The following TENM3 variants were observed in gnomAD, a reference collection of about 807,000 sequenced individuals.
TENM3 encodes teneurin transmembrane protein 3.
A neutral mutation model predicts 255.1 loss-of-function variants in TENM3; 63 were observed. That is an observed-to-expected ratio of 0.25 (90% CI 0.20 to 0.30). The LOEUF is 0.30. Among genes scored for constraint, TENM3 ranks in the 10% least tolerant of loss-of-function variants. The pLI, the probability that TENM3 is intolerant of heterozygous loss-of-function variation, is 1.00. For synonymous variants in TENM3, 1,306 were observed against 1,322.3 expected (o/e 0.99, Z 0.27); for missense variants, 2,929 against 3,461.1 (o/e 0.85, Z 3.86).
intron 1 of TENM3, among the ~76,000 whole-genome samples, chr4:182,274,789 C>T (rs1051051306): frequency 1.3e-5 from 2 of 151,920 alleles, no homozygotes; most frequent in Non-Finnish European, 2.9e-5. Context: ...GAGTTTAAGT[C>T]CAGTGGTCTC....
intron 3 of TENM3, among the ~76,000 whole-genome samples, chr4:182,420,150 A>C (rs1770716586): frequency 6.6e-6 from 1 of 152,034 alleles, no homozygotes; most frequent in African/African-American, 2.4e-5. Context: ...TGATTGTTAT[A>C]ATTGTGCCCT....
chr4:181,491,106 C>A, the TENM3 span, among the ~76,000 whole-genome samples: 1 of 151,660 alleles, frequency 6.6e-6, no homozygotes. Context: ...TAAAAAAAAT[C>A]TATGGTCTAC....
intron 12 of TENM3, among the ~76,000 whole-genome samples, chr4:182,704,712 A>G (rs1561134256): frequency 6.6e-6 from 1 of 152,156 alleles, no homozygotes. Flanking sequence ...AGAATAAAAT[A>G]TGTAAACTTT....
At chr4:182,597,875 T>C (rs577603525) in intron 3 of TENM3, among the ~76,000 whole-genome samples, 1 of 152,296 alleles carries the variant, frequency 6.6e-6, no homozygotes, top group East Asian at 1.9e-4. Flanking sequence ...TGTGGTCTGG[T>C]GCAGAATTTA....
chr4:181,931,985 C>G, the TENM3 span, among the ~76,000 whole-genome samples: 1 of 152,076 alleles, frequency 6.6e-6, no homozygotes, highest in Non-Finnish European at 1.5e-5. Context: ...TGAAACTGGA[C>G]CCCTTCCTTA....
At chr4:182,146,650 C>A (rs1368409910) in intron 1 of TENM3, among the ~76,000 whole-genome samples, 2 of 152,044 alleles carry the variant, frequency 1.3e-5, no homozygotes, top group Non-Finnish European at 2.9e-5. Context: ...TAGTTCAAAT[C>A]AAACACACAT....
At chr4:182,560,338 C>T (rs557454380) in intron 3 of TENM3, among the ~76,000 whole-genome samples, 7 of 152,216 alleles carry the variant, frequency 4.6e-5, no homozygotes, top group South Asian at 4.1e-4. Context: ...TCTCAAATTT[C>T]CTCTTTAACA....
intron 3 of TENM3, among the ~76,000 whole-genome samples, chr4:182,491,294 T>C (rs530463270): frequency 4.6e-5 from 7 of 152,238 alleles, no homozygotes; most frequent in Middle Eastern, 3.4e-3. Flanking sequence ...GTTTGTCAGG[T>C]TAGTGAATAA....
the TENM3 span, among the ~76,000 whole-genome samples, chr4:181,770,445 T>C: frequency 2.6e-5 from 4 of 151,974 alleles, no homozygotes; most frequent in East Asian, 3.9e-4. Flanking sequence ...GAGGCCAAGG[T>C]GGGTGGATCA....
At chr4:182,156,810 A>G (rs62352026) in intron 1 of TENM3, among the ~76,000 whole-genome samples, 32,868 of 151,980 alleles carry the variant, frequency 0.22, 4,357 homozygotes, top group Non-Finnish European at 0.3. Flanking sequence ...AATTCACTCA[A>G]ATCCAGCCCC....
At position 182,346,805 on chromosome 4, in the gene TENM3, G is replaced by A; in HGVS notation, c.387G>A (p.Glu129=). ...AAAATGAAGCAGTGATGTCCCCAGA[G>A]CATGCCATGAGACTTTGGGGCAGGG... ...DTENEAVMSP[E]HAMRLWGRGV... The change falls in exon 3 of 28, where the codon GAG becomes GAA. Residue 129 remains glutamate (E), a synonymous_variant. Coordinates refer to ENST00000511685, the MANE Select transcript of TENM3 (RefSeq NM_001080477.4). 2 of 1,613,544 alleles carry A rather than the reference G, an allele frequency of 1.2e-6. No homozygotes were observed. The highest frequency in any genetic ancestry group is 1.1e-5 in the South Asian group (1 of 90,986).
At chr4:182,412,875 A>AT (rs1177370297) in intron 3 of TENM3, among the ~76,000 whole-genome samples, 1 of 151,858 alleles carries the variant, frequency 6.6e-6, no homozygotes, top group Non-Finnish European at 1.5e-5. Context: ...AAAAAAAAAA[A>AT]AAAGAATAAG....
At chr4:181,889,245 G>A in the TENM3 span, among the ~76,000 whole-genome samples, 1 of 152,028 alleles carries the variant, frequency 6.6e-6, no homozygotes, top group African/African-American at 2.4e-5. Flanking sequence ...TGATGCGTGC[G>A]TTCACGTGGG....
chr4:181,827,126 A>T, the TENM3 span, among the ~76,000 whole-genome samples: 14 of 152,136 alleles, frequency 9.2e-5, no homozygotes, highest in Non-Finnish European at 2.1e-4. Flanking sequence ...AAACAAGGTC[A>T]TGTACAGGAA....
At chr4:182,721,766 C>G (rs767466430) in intron 13 of TENM3, among the ~76,000 whole-genome samples, 1 of 152,124 alleles carries the variant, frequency 6.6e-6, no homozygotes, top group Non-Finnish European at 1.5e-5. Context: ...TGAAAAATAT[C>G]AATTTTGTCT....
chr4:181,803,492 A>G, the TENM3 span, among the ~76,000 whole-genome samples: 2 of 152,184 alleles, frequency 1.3e-5, no homozygotes, highest in Non-Finnish European at 2.9e-5. Context: ...GACCTCACCA[A>G]TCAGTCCTGA....
chr4:182,538,980 A>C (rs73004828), intron 3 of TENM3, among the ~76,000 whole-genome samples: 97 of 152,116 alleles, frequency 6.4e-4, no homozygotes, highest in African/African-American at 2.2e-3. Context: ...TCTGTGGCTG[A>C]GTAGCTCAAG....
chr4:181,516,999 C>G, the TENM3 span, among the ~76,000 whole-genome samples: 1 of 152,150 alleles, frequency 6.6e-6, no homozygotes, highest in East Asian at 1.9e-4. Context: ...CAAACACTAC[C>G]CTCTTTTGTA....
At chr4:182,042,912 A>T in the TENM3 span, among the ~76,000 whole-genome samples, 5 of 151,182 alleles carry the variant, frequency 3.3e-5, no homozygotes, top group Admixed American at 2.0e-4. Flanking sequence ...TGTGTGTATG[A>T]AGCTGACACT....
Sources: gnomAD v4.1 joint callset for allele counts (sites outside exome capture counted in the v4.1 genomes callset) on GRCh38, gnomAD v4.1.1 for gene constraint, MANE v1.5 for transcripts, NCBI Gene and HGNC (gene_info 2026-07-23, HGNC 2026-07-21) for gene names.